TANC2: variants seen among roughly 807,000 people sequenced by gnomAD.
TANC2 encodes tetratricopeptide repeat, ankyrin repeat and coiled-coil containing 2.
TANC2 carries 26 observed loss-of-function variants against 210.5 expected under a neutral mutation model. The ratio of observed to expected loss-of-function variants is 0.12; its 90% CI spans 0.09 to 0.17. The LOEUF (loss-of-function observed/expected upper bound fraction) is 0.17. Ranked by LOEUF, TANC2 falls within the 10% of genes least tolerant of loss-of-function variation. The probability of loss-of-function intolerance (pLI) is 1.00; values close to 1 mark genes in which losing one functional copy is unlikely to be tolerated. For missense variants in TANC2, 2,129 were observed against 2,608.9 expected, an observed-to-expected ratio of 0.82 and a Z score of 4.01; for synonymous variants, 931 against 967.1, an observed-to-expected ratio of 0.96 and a Z score of 0.69.
chr17:63,340,272 C>A, exon 12 of TANC2: 1 of 1,613,956 alleles, frequency 6.2e-7, no homozygotes, highest in Non-Finnish European at 8.5e-7. Flanking sequence ...TTCCTGTGTT[C>A]AAGACCCCAT....
At chr17:63,055,914 G>A (rs866895703) in intron 2 of TANC2, among the ~76,000 whole-genome samples, 1 of 136,584 alleles carries the variant, frequency 7.3e-6, no homozygotes, top group Non-Finnish European at 1.5e-5. Flanking sequence ...GATCACTTGA[G>A]CTCAGGAGTT....
At chr17:63,134,743 T>C (rs1567752553) in intron 4 of TANC2, among the ~76,000 whole-genome samples, 1 of 152,242 alleles carries the variant, frequency 6.6e-6, no homozygotes, top group African/African-American at 2.4e-5. Flanking sequence ...TGATAGGCTG[T>C]GTAGCACAAG....
At chr17:63,044,596 A>G (rs1415035630) in intron 2 of TANC2, among the ~76,000 whole-genome samples, 4 of 152,108 alleles carry the variant, frequency 2.6e-5, no homozygotes, top group Admixed American at 2.0e-4. Context: ...TAGTTTTTCT[A>G]GGAACTATAC....
intron 4 of TANC2, among the ~76,000 whole-genome samples, chr17:63,121,647 CAAAAAAATCTTT>C (rs996770351): frequency 2.6e-5 from 4 of 151,794 alleles, no homozygotes; most frequent in Admixed American, 2.6e-4. Context: ...AAATGTTTCC[CAAAAAAATCTTT>C]AAGTAAAACT....
At chr17:63,240,084 A>T (rs998129838) in intron 8 of TANC2, among the ~76,000 whole-genome samples, 1 of 152,230 alleles carries the variant, frequency 6.6e-6, no homozygotes, top group African/African-American at 2.4e-5. Flanking sequence ...TCCAAACCAT[A>T]TCAACTGTAC....
Position 63,420,091 on chromosome 17 carries a change from A to G in TANC2, c.4361A>G (p.Glu1454Gly). Residue 1454 changes from glutamate (E) to glycine (G), a missense_variant, in exon 28 of 28, where the codon GAA becomes GGA. Transcript: ENST00000689528. The surrounding 1 kb of genome is among the most constrained non-coding windows in gnomAD (Gnocchi z 4.2). ...CAGAGACTTCTGCTGAGAGTGGAAG[A>G]AGAGTGTAGACAGATGCAGCAGCCA... The G allele has an allele frequency of 1.9e-6, 3 of 1,552,256 alleles. No individual in the cohort carries two copies. The highest frequency in any genetic ancestry group is 2.6e-6 in the Non-Finnish European group (3 of 1,147,182).
intron 7 of TANC2, among the ~76,000 whole-genome samples, chr17:63,224,291 G>A (rs559834296): frequency 4.3e-4 from 60 of 138,912 alleles, no homozygotes; most frequent in Admixed American, 3.1e-3. Context: ...TCCCTGTGTC[G>A]CCCAGGCTGG....
In TANC2 at chr17:63,412,066, T is replaced by C. The variant is rs746505172; in HGVS notation, c.3834T>C (p.Asp1278=). 8.7e-6 allele frequency: 14 copies of C among 1,613,754 alleles called. No homozygotes were observed. The highest frequency in any genetic ancestry group is 1.2e-5 in the Non-Finnish European group (14 of 1,179,854). The change falls in exon 23 of 28, where the codon GAT becomes GAC. Residue 1278 remains aspartate, a synonymous_variant. Transcript: ENST00000689528. This position sits in a 1 kb window ranked among gnomAD's most constrained non-coding sequence, Gnocchi z 4.2. ...ACTACAGTGGAATGCGCCCTTTGGA[T>C]AGGGCAGTGGGGTGCCGGAACACTT...
intron 14 of TANC2, among the ~76,000 whole-genome samples, chr17:63,373,923 A>AT (rs1414016781): frequency 6.6e-6 from 1 of 151,980 alleles, no homozygotes; most frequent in African/African-American, 2.4e-5. Flanking sequence ...GGAGGTTGCA[A>AT]TGAACCAAGA....
intron 8 of TANC2, among the ~76,000 whole-genome samples, chr17:63,253,711 C>T (rs1468719297): frequency 1.3e-5 from 2 of 152,102 alleles, no homozygotes; most frequent in East Asian, 3.8e-4. Context: ...CTCCCTGGAC[C>T]TCAACTTCAA....
At chr17:63,283,069 GTA>G (rs1286795891) in intron 9 of TANC2, among the ~76,000 whole-genome samples, 1 of 151,940 alleles carries the variant, frequency 6.6e-6, no homozygotes, top group Admixed American at 6.6e-5. Context: ...TAGAAATTTT[GTA>G]GTTTTATGTT....
intron 21 of TANC2, among the ~76,000 whole-genome samples, chr17:63,409,554 G>A (rs181386143): frequency 6.6e-6 from 1 of 152,306 alleles, no homozygotes; most frequent in Admixed American, 6.5e-5. Flanking sequence ...ACAAAGGGGA[G>A]ATGTTCAGAG....
At chr17:63,140,350 G>A (rs1458634784) in intron 4 of TANC2, among the ~76,000 whole-genome samples, 4 of 152,208 alleles carry the variant, frequency 2.6e-5, no homozygotes, top group African/African-American at 9.6e-5. Context: ...AATGGCAGCA[G>A]ATTCATACAA....
At chr17:63,377,036 C>T (rs9891377) in intron 14 of TANC2, among the ~76,000 whole-genome samples, 4,893 of 152,224 alleles carry the variant, frequency 0.032, 90 homozygotes, top group African/African-American at 0.045. Flanking sequence ...TCTGAAGCAA[C>T]GACCTGAGCT....
At position 63,053,755 on chromosome 17, in the gene TANC2, C is replaced by T. The variant is rs138929697; in HGVS notation, c.68-20188C>T. Among the ~76,000 whole-genome samples the T allele has an allele frequency of 1.2e-3, 180 of 152,316 alleles. 1 individual carries two copies. Among genetic ancestry groups the T allele is most frequent in the African/African-American group, 3.7e-3 (153 of 41,572 alleles). ...CCTCATCCCCAAATCAGTTCTTTTG[C>T]AGTCTTTCCTGTCTTAGTAAGTTGC... On this transcript the variant is annotated intron_variant, in intron 2 of 27. Transcript: ENST00000689528.
intron 19 of TANC2, among the ~76,000 whole-genome samples, chr17:63,400,641 AT>A (rs991197598): frequency 3.2e-4 from 47 of 149,170 alleles, no homozygotes; most frequent in Middle Eastern, 3.4e-3. Flanking sequence ...TTGTAATATG[AT>A]TTTTTTTTTC....
At position 63,195,498 on chromosome 17, in the gene TANC2, T is replaced by C. The variant is rs182861556; in HGVS notation, c.582+1359T>C. ...TCCCTTCTCACTATTCCCACTGCTA[T>C]ACCCAAGTCCAAGCCACTGTCATCT... On this transcript the variant is annotated intron_variant, in intron 6 of 27. Coordinates refer to ENST00000689528, the Ensembl canonical transcript of TANC2. Among the ~76,000 whole-genome samples, 444 of 152,312 alleles carry C rather than the reference T, an allele frequency of 2.9e-3. 2 individuals are homozygous for C. Among genetic ancestry groups the C allele is most frequent in the Non-Finnish European group, 5.2e-3 (353 of 68,024 alleles).
At chr17:63,047,768 C>G (rs2035437552) in intron 2 of TANC2, among the ~76,000 whole-genome samples, 1 of 151,758 alleles carries the variant, frequency 6.6e-6, no homozygotes, top group South Asian at 2.1e-4. Flanking sequence ...GACGGAGACC[C>G]CTAAAACAAA....
In TANC2 at chr17:62,999,532, G is replaced by A. The variant is rs142150207; in HGVS notation, c.-23-10005G>A. 5.4e-3 allele frequency among the ~76,000 whole-genome samples: 698 copies of A among 130,126 alleles called. 6 individuals carry two copies. The highest frequency in any genetic ancestry group is 0.02 in the African/African-American group (595 of 29,996). The allele number at this position is 130,126 out of a possible 152,430, so 85.4% of individuals were successfully genotyped here. Reference sequence around the variant, plus strand: ...AAACGTATGTGCACCCAACACAGGGGCACCCAAATTCATAAAACAAATTAC... The same window carrying A: ...AAACGTATGTGCACCCAACACAGGGACACCCAAATTCATAAAACAAATTAC... On this transcript the variant is annotated intron_variant, in intron 1 of 27. Transcript: ENST00000689528.
Sources: allele counts gnomAD v4.1 joint callset (sites outside exome capture counted in the v4.1 genomes callset), GRCh38; gene constraint gnomAD v4.1.1; non-coding constraint Gnocchi (gnomAD v3.1); transcripts MANE v1.5; gene names NCBI Gene and HGNC (gene_info 2026-07-23, HGNC 2026-07-21).